Variants in TG observed in about 807,000 individuals in gnomAD.
TG encodes thyroid hormones.
TG carries 270 observed loss-of-function variants against 324.7 expected under a neutral mutation model. The ratio of observed to expected loss-of-function variants is 0.83; its 90% CI spans 0.75 to 0.92. The LOEUF (loss-of-function observed/expected upper bound fraction) is 0.92, where lower values mean the gene tolerates loss of function less well. Ranked by LOEUF, TG falls within the 40% of genes least tolerant of loss-of-function variation. The pLI, the probability that TG is intolerant of heterozygous loss-of-function variation, is 0.00. For missense variants in TG, 3,591 were observed against 3,456.4 expected (o/e 1.04, Z -0.98); for synonymous variants, 1,401 against 1,327.0 (o/e 1.06, Z -1.21).
intron 23 of TG, among the ~76,000 whole-genome samples, chr8:132,930,172 AAC>A: frequency 6.6e-6 from 1 of 152,262 alleles, no homozygotes; most frequent in Non-Finnish European, 1.5e-5. Flanking sequence ...TTGTTTCACA[AAC>A]ACAGTGCAAG....
chr8:132,867,969 AAG>A (rs1839123779), intron 1 of TG, 144 bp from the exon 2 acceptor site: 1 of 707,862 alleles, frequency 1.4e-6, no homozygotes, highest in Admixed American at 2.1e-5. Context: ...ACTTGTAAGA[AAG>A]TGTGCTTAGC....
chr8:132,977,368 T>C (rs1474105937), intron 34 of TG, among the ~76,000 whole-genome samples: 3 of 152,116 alleles, frequency 2.0e-5, no homozygotes, highest in African/African-American at 4.8e-5. Context: ...TTTTCAATAA[T>C]AGATTTTGGC....
intron 28 of TG, 63 bp from the exon 29 acceptor site, chr8:132,962,931 G>T: frequency 1.3e-6 from 2 of 1,492,838 alleles, no homozygotes; most frequent in Non-Finnish European, 1.9e-6. Context: ...CTACCATTTT[G>T]TTGACCAGTG....
intron 8 of TG, chr8:132,883,306 G>C (rs1814927280): frequency 2.7e-6 from 1 of 368,358 alleles, no homozygotes; most frequent in Non-Finnish European, 5.0e-6. Flanking sequence ...AACTAAAGGA[G>C]CATGGTGAGG....
chr8:133,056,192 T>C (rs1841418558), intron 41 of TG, among the ~76,000 whole-genome samples: 1 of 152,202 alleles, frequency 6.6e-6, no homozygotes, highest in Admixed American at 6.5e-5. Flanking sequence ...AAAACTTGAG[T>C]GCTATTCTAA....
In TG at chr8:132,913,037, T is replaced by A; in HGVS notation, c.4160-10T>A. ...TGGGGGTGACCTCTACCTTATCCTG[T>A]GTCTTACAGAGAGAGCCTTGGTGGG... On this transcript the variant is annotated splice_polypyrimidine_tract_variant and intron_variant, in intron 19 of 47. Transcript: ENST00000220616. 1.9e-6 allele frequency: 3 copies of A among 1,613,892 alleles called. No individual in the cohort carries two copies. The highest frequency in any genetic ancestry group is 1.7e-6 in the Non-Finnish European group (2 of 1,179,862).
intron 41 of TG, chr8:133,046,997 T>G (rs2131174551): frequency 6.6e-6 from 1 of 152,328 alleles, no homozygotes; most frequent in East Asian, 1.9e-4. Flanking sequence ...ACCTTCTGAA[T>G]TTTAAAAAAG....
intron 41 of TG, among the ~76,000 whole-genome samples, chr8:133,031,207 A>C (rs1836608767): frequency 6.6e-6 from 1 of 152,178 alleles, no homozygotes; most frequent in African/African-American, 2.4e-5. Context: ...ATATTAGTGT[A>C]ATCATGTAAG....
At chr8:132,981,303 G>T (rs1340579378) in intron 34 of TG, among the ~76,000 whole-genome samples, 2 of 152,224 alleles carry the variant, frequency 1.3e-5, no homozygotes, top group African/African-American at 2.4e-5. Flanking sequence ...AGTTGCCAGT[G>T]TTCAATCAGT....
chr8:132,986,616 A>G (rs1344025643), intron 35 of TG, among the ~76,000 whole-genome samples: 1 of 152,046 alleles, frequency 6.6e-6, no homozygotes, highest in Non-Finnish European at 1.5e-5. Flanking sequence ...TCATTAGTCC[A>G]TTTCTTTATT....
intron 45 of TG, among the ~76,000 whole-genome samples, chr8:133,119,456 G>A (rs1850967118): frequency 6.6e-6 from 1 of 152,182 alleles, no homozygotes. Flanking sequence ...GAGGCTGGAA[G>A]TCCAAGATCA....
intron 43 of TG, among the ~76,000 whole-genome samples, chr8:133,113,010 C>G (rs1443417862): frequency 6.6e-6 from 1 of 152,180 alleles, no homozygotes; most frequent in South Asian, 2.1e-4. Context: ...TTTAGCTCTC[C>G]TAACATGACC....
intron 25 of TG, among the ~76,000 whole-genome samples, chr8:132,937,552 G>T (rs1823789958): frequency 6.7e-6 from 1 of 149,748 alleles, no homozygotes; most frequent in Non-Finnish European, 1.5e-5. Context: ...CTAATCTAGT[G>T]ACCAGGGTCA....
intron 27 of TG, among the ~76,000 whole-genome samples, chr8:132,960,681 A>G (rs1827611686): frequency 6.6e-6 from 1 of 152,192 alleles, no homozygotes; most frequent in Non-Finnish European, 1.5e-5. Context: ...GGAAACTCAC[A>G]CAGCCCTCGA....
At chr8:133,115,446 C>T (rs573803887) in intron 44 of TG, among the ~76,000 whole-genome samples, 2 of 152,256 alleles carry the variant, frequency 1.3e-5, no homozygotes, top group South Asian at 2.1e-4. Context: ...TTCATCTGCC[C>T]TCAAGATGCC....
At chr8:133,126,232 A>G (rs1036934757) in intron 45 of TG, among the ~76,000 whole-genome samples, 1 of 152,208 alleles carries the variant, frequency 6.6e-6, no homozygotes, top group South Asian at 2.1e-4. Context: ...AACCATAAAC[A>G]TAGTGCATGA....
intron 35 of TG, among the ~76,000 whole-genome samples, chr8:133,000,496 C>G (rs957369440): frequency 3.9e-5 from 6 of 152,190 alleles, no homozygotes; most frequent in African/African-American, 1.4e-4. Flanking sequence ...AGTCACAGAG[C>G]TGGCAGGAGG....
chr8:133,043,724 G>A (rs1403926379), intron 41 of TG, among the ~76,000 whole-genome samples: 1 of 152,164 alleles, frequency 6.6e-6, no homozygotes, highest in Non-Finnish European at 1.5e-5. Context: ...TGGGCCAGCT[G>A]TGATAACCAA....
Position 132,971,806 on chromosome 8 carries a change from T to C in TG, c.5988T>C (p.Cys1996=). Residue 1996 remains cysteine, a synonymous_variant, in exon 33 of 48, where the codon TGT becomes TGC. Transcript: ENST00000220616. ...CTTCCTATGCCAGGTTCTTTGAATGTGAACGACGGTGCGATGCGGACCCAT... is the reference window on the plus strand; with the variant it reads ...CTTCCTATGCCAGGTTCTTTGAATGCGAACGACGGTGCGATGCGGACCCAT... ...EKSISNGFFE[C]ERRCDADPCC... 6.2e-7 allele frequency: 1 copy of C among 1,613,454 alleles called. No homozygotes were observed. The highest frequency in any genetic ancestry group is 8.5e-7 in the Non-Finnish European group (1 of 1,179,382).
Sources: gnomAD v4.1 joint callset for allele counts (sites outside exome capture counted in the v4.1 genomes callset) on GRCh38, gnomAD v4.1.1 for gene constraint, MANE v1.5 for transcripts, NCBI Gene and HGNC (gene_info 2026-07-23, HGNC 2026-07-21) for gene names.